COL26A1: variants seen among roughly 807,000 people sequenced by gnomAD.
COL26A1 encodes the protein collagen alpha-1(XXVI) chain.
A neutral mutation model predicts 59.3 loss-of-function variants in COL26A1; 41 were observed. That is an observed-to-expected ratio of 0.69 (90% CI 0.54 to 0.90). The LOEUF (loss-of-function observed/expected upper bound fraction) is 0.90, where lower values mean the gene tolerates loss of function less well. COL26A1 is among the 40% of genes least tolerant of loss of function. The pLI is 0.00. For synonymous variants in COL26A1, 266 were observed against 256.0 expected (o/e 1.04, Z -0.37); for missense variants, 612 against 602.3 (o/e 1.02, Z -0.17).
chr7:101,483,981 ACTTTTT>A (rs1794212230), intron 3 of COL26A1, among the ~76,000 whole-genome samples: 1 of 113,830 alleles, frequency 8.8e-6, no homozygotes, highest in Non-Finnish European at 1.9e-5. Context: ...GCCCCAGCTA[ACTTTTT>A]AAAGTGTGTG....
At chr7:101,556,899 G>A (rs1022273689) in intron 12 of COL26A1, among the ~76,000 whole-genome samples, 1 of 148,276 alleles carries the variant, frequency 6.7e-6, no homozygotes, top group African/African-American at 2.5e-5. Flanking sequence ...CTGAGTGGAT[G>A]GATGGATGGA....
chr7:101,407,610 G>C (rs1471331524), intron 1 of COL26A1, among the ~76,000 whole-genome samples: 1 of 151,890 alleles, frequency 6.6e-6, no homozygotes, highest in African/African-American at 2.4e-5. Context: ...CACAGGGAGA[G>C]TCCTCAGTGA....
intron 1 of COL26A1, among the ~76,000 whole-genome samples, chr7:101,402,628 TCTCCC>T (rs1160272044): frequency 6.5e-5 from 8 of 122,820 alleles, no homozygotes; most frequent in Admixed American, 1.7e-4. Context: ...TCTCTTTCTT[TCTCCC>T]CTCCCCTCCC....
At position 101,489,727 on chromosome 7, in the gene COL26A1, C is replaced by CTTTCTT. The variant is rs1794369819; in HGVS notation, c.385+41941_385+41942insTTCTTT. On this transcript the variant is annotated intron_variant, in intron 3 of 12. Transcript: ENST00000313669. ...TTTCTTTCTTTCATTCTTTCTTTCT[C>CTTTCTT]TCTCTCTTTCTCTCTTTCTTTCTTG... Among the ~76,000 whole-genome samples, 92 of 17,358 alleles carry CTTTCTT rather than the reference C, an allele frequency of 5.3e-3. 17 individuals are homozygous for CTTTCTT. Among genetic ancestry groups the CTTTCTT allele is most frequent in the East Asian group, 5.3e-3 (3 of 564 alleles). The allele number at this position is 17,358 out of a possible 152,430, so 11.4% of individuals were successfully genotyped here.
intron 1 of COL26A1, among the ~76,000 whole-genome samples, chr7:101,419,097 TCC>T (rs1792448605): frequency 3.5e-5 from 1 of 28,404 alleles, no homozygotes; most frequent in Admixed American, 3.8e-4. Context: ...TCCCCTCCCC[TCC>T]CCTCCCCTCC....
intron 1 of COL26A1, among the ~76,000 whole-genome samples, chr7:101,393,286 C>G (rs139848420): frequency 1.3e-5 from 2 of 152,058 alleles, no homozygotes; most frequent in Non-Finnish European, 2.9e-5. Flanking sequence ...TGAATTAACA[C>G]GATCACAAGG....
chr7:101,466,216 A>T (rs62464283), intron 3 of COL26A1, among the ~76,000 whole-genome samples: 4,797 of 152,136 alleles, frequency 0.032, 116 homozygotes, highest in Middle Eastern at 0.068. Context: ...TTCCTGTCTG[A>T]ACCTCCATTT....
chr7:101,489,764 TTC>T (rs1225270503), intron 3 of COL26A1, among the ~76,000 whole-genome samples: 1 of 3,578 alleles, frequency 2.8e-4, no homozygotes, highest in East Asian at 3.5e-3. Flanking sequence ...CTCTCTTTCT[TTC>T]TTTCTTTCTT....
chr7:101,445,775 C>T (rs1231880301), intron 2 of COL26A1, among the ~76,000 whole-genome samples: 1 of 144,444 alleles, frequency 6.9e-6, no homozygotes, highest in African/African-American at 2.6e-5. Context: ...GGGCACCAGG[C>T]GCGGTGGCCC....
intron 3 of COL26A1, among the ~76,000 whole-genome samples, chr7:101,462,724 G>C (rs748341469): frequency 6.6e-6 from 1 of 152,066 alleles, no homozygotes; most frequent in African/African-American, 2.4e-5. Flanking sequence ...TCCGGCCCCC[G>C]GTGACACGTG....
At chr7:101,509,469 G>A (rs1204175905) in intron 3 of COL26A1, among the ~76,000 whole-genome samples, 3 of 151,928 alleles carry the variant, frequency 2.0e-5, no homozygotes, top group African/African-American at 2.4e-5. Flanking sequence ...AAGAAAAGAA[G>A]AACAGAAAAC....
chr7:101,471,497 C>T (rs764114231), intron 3 of COL26A1, among the ~76,000 whole-genome samples: 5 of 151,770 alleles, frequency 3.3e-5, no homozygotes, highest in Middle Eastern at 3.4e-3. Context: ...GGAATACACT[C>T]ACGTCAAATA....
chr7:101,473,580 G>C (rs1793955655), intron 3 of COL26A1, among the ~76,000 whole-genome samples: 1 of 149,136 alleles, frequency 6.7e-6, no homozygotes, highest in African/African-American at 2.5e-5. Context: ...TTCAAGACCA[G>C]CCCAGGCAAC....
At chr7:101,506,690 C>T (rs879661761) in intron 3 of COL26A1, among the ~76,000 whole-genome samples, 3 of 152,248 alleles carry the variant, frequency 2.0e-5, no homozygotes, top group Admixed American at 2.0e-4. Flanking sequence ...TCTGATTAGT[C>T]AGTGGGCACC....
chr7:101,430,887 G>A (rs960264491), intron 2 of COL26A1, among the ~76,000 whole-genome samples: 2 of 151,924 alleles, frequency 1.3e-5, no homozygotes, highest in East Asian at 1.9e-4. Flanking sequence ...CTCACCTCCC[G>A]GGTTCAAGCA....
intron 3 of COL26A1, among the ~76,000 whole-genome samples, chr7:101,454,268 C>CTTTTTTTTTTTTTTTT (rs58969139): frequency 1.5e-5 from 2 of 137,348 alleles, no homozygotes; most frequent in Non-Finnish European, 3.1e-5. Context: ...TCTTTTCTTT[C>CTTTTTTTTTTTTTTTT]TTTTTTTTTT....
chr7:101,414,081 A>G (rs1792311950), intron 1 of COL26A1, among the ~76,000 whole-genome samples: 1 of 152,106 alleles, frequency 6.6e-6, no homozygotes, highest in African/African-American at 2.4e-5. Flanking sequence ...CTACCTGGGG[A>G]TGCACAGGCT....
intron 10 of COL26A1, among the ~76,000 whole-genome samples, 185 bp downstream of exon 10, chr7:101,551,328 A>G (rs116042122): frequency 0.017 from 2,589 of 152,208 alleles, 71 homozygotes; most frequent in African/African-American, 0.059. Context: ...TGAGGAGGGA[A>G]GCGACCTCCA....
chr7:101,494,060 A>G lies in COL26A1; in HGVS notation c.386-39022A>G, dbSNP rs544221314. ...ATGAGCGGGAAAGGTATTTCAAGACAGTGGCAATAATTGTGTGAATTCGAT... is the reference window on the plus strand; with the variant it reads ...ATGAGCGGGAAAGGTATTTCAAGACGGTGGCAATAATTGTGTGAATTCGAT... On this transcript the variant is annotated intron_variant, in intron 3 of 12. Transcript: ENST00000313669. 1.7e-4 allele frequency among the ~76,000 whole-genome samples: 26 copies of G among 152,300 alleles called. 1 individual carries two copies. The highest frequency in any genetic ancestry group is 1.4e-3 in the Admixed American group (22 of 15,296).
Sources: allele counts gnomAD v4.1 joint callset (sites outside exome capture counted in the v4.1 genomes callset), GRCh38; gene constraint gnomAD v4.1.1; transcripts MANE v1.5; gene names NCBI Gene and HGNC (gene_info 2026-07-23, HGNC 2026-07-21).